The following COMMD1 variants were observed in gnomAD, a reference collection of about 807,000 sequenced individuals.
COMMD1 encodes the protein COMM domain-containing protein 1.
COMMD1 carries 10 observed loss-of-function variants against 17.2 expected under a neutral mutation model. The ratio of observed to expected loss-of-function variants is 0.58; its 90% CI spans 0.36 to 0.99. COMMD1 has a LOEUF of 0.99. Ranked by LOEUF, COMMD1 falls within the 50% of genes least tolerant of loss-of-function variation. The pLI, the probability that COMMD1 is intolerant of heterozygous loss-of-function variation, is 0.01. For missense variants in COMMD1, 270 were observed against 231.8 expected (o/e 1.17, Z -1.07); for synonymous variants, 97 against 91.6 (o/e 1.06, Z -0.34).
chr2:61,950,896 A>G (rs1263258525), intron 1 of COMMD1, among the ~76,000 whole-genome samples: 1 of 152,238 alleles, frequency 6.6e-6, no homozygotes, highest in African/African-American at 2.4e-5. Context: ...GAATTCTCCA[A>G]TTAATATTTT....
chr2:62,061,796 G>A (rs1216400964), intron 2 of COMMD1, among the ~76,000 whole-genome samples: 3 of 151,596 alleles, frequency 2.0e-5, no homozygotes, highest in East Asian at 3.9e-4. Context: ...TCCTGACCTC[G>A]TGATCCACCT....
intron 1 of COMMD1, among the ~76,000 whole-genome samples, chr2:61,929,501 A>G (rs1226610920): frequency 6.6e-6 from 1 of 152,170 alleles, no homozygotes; most frequent in Non-Finnish European, 1.5e-5. Flanking sequence ...GTTTATTACC[A>G]TTATATCATA....
intron 1 of COMMD1, among the ~76,000 whole-genome samples, chr2:61,897,731 A>G (rs1200219568): frequency 1.3e-5 from 2 of 152,128 alleles, no homozygotes; most frequent in African/African-American, 4.8e-5. Flanking sequence ...CCTGGGCAAC[A>G]AGAGCAAAAC....
At position 62,135,951 on chromosome 2, in the gene COMMD1, A is replaced by T; in HGVS notation, c.*10A>T. The T allele has an allele frequency of 7.1e-7, 1 of 1,414,252 alleles. No individual in the cohort carries two copies. The highest frequency in any genetic ancestry group is 1.0e-6 in the Non-Finnish European group (1 of 997,418). The allele number at this position is 1,414,252 out of a possible 1,614,324, so 87.6% of individuals were successfully genotyped here. The stretch of plus-strand genomic sequence containing the variant: ...CAGCCAGCCTAACTGAAGATGATGT[A>T]TGAAGGAGTTGGAGTTGTTGAAACC... On this transcript the variant is annotated 3_prime_UTR_variant, in exon 3 of 3. Coordinates refer to ENST00000311832, the MANE Select transcript of COMMD1 (RefSeq NM_152516.4).
intron 1 of COMMD1, among the ~76,000 whole-genome samples, chr2:61,909,803 G>C (rs891248157): frequency 3.3e-5 from 5 of 152,160 alleles, no homozygotes; most frequent in African/African-American, 1.2e-4. Flanking sequence ...TCCCAGCAGG[G>C]GATACAGCGG....
intron 2 of COMMD1, among the ~76,000 whole-genome samples, chr2:62,133,308 G>C (rs183850458): frequency 1.0e-3 from 158 of 152,258 alleles, no homozygotes; most frequent in Non-Finnish European, 1.2e-3. Context: ...TGTTCTTTTG[G>C]CTGATGGCAA....
intron 2 of COMMD1, among the ~76,000 whole-genome samples, chr2:62,014,810 C>T (rs544733134): frequency 4.8e-4 from 73 of 152,084 alleles, no homozygotes; most frequent in African/African-American, 1.7e-3. Flanking sequence ...CATGATCCAC[C>T]CCCCTCAGCC....
At chr2:61,958,469 A>G (rs1046672609) in intron 1 of COMMD1, among the ~76,000 whole-genome samples, 1 of 151,804 alleles carries the variant, frequency 6.6e-6, no homozygotes, top group Non-Finnish European at 1.5e-5. Flanking sequence ...GTTTCACCGT[A>G]TTGGCCAGGC....
chr2:61,893,459 A>T (rs1669481653), intron 1 of COMMD1, among the ~76,000 whole-genome samples: 1 of 152,012 alleles, frequency 6.6e-6, no homozygotes, highest in Admixed American at 6.5e-5. Context: ...ATGTGTGAGT[A>T]AACAGCCAGG....
At chr2:62,022,448 CTTTTT>C (rs747830662) in intron 2 of COMMD1, among the ~76,000 whole-genome samples, 1 of 84,950 alleles carries the variant, frequency 1.2e-5, no homozygotes. Context: ...ACCGGCGCTT[CTTTTT>C]TTTTTTTTTT....
At chr2:62,111,268 G>A (rs1182292277) in intron 2 of COMMD1, among the ~76,000 whole-genome samples, 1 of 152,120 alleles carries the variant, frequency 6.6e-6, no homozygotes, top group African/African-American at 2.4e-5. Context: ...CATCTGACAC[G>A]CCAACAAGGA....
chr2:61,892,759 C>T (rs1277884270), intron 1 of COMMD1, among the ~76,000 whole-genome samples: 5 of 151,252 alleles, frequency 3.3e-5, no homozygotes, highest in Non-Finnish European at 7.4e-5. Context: ...TTAGGTTTTA[C>T]TCCAATTCAA....
intron 2 of COMMD1, among the ~76,000 whole-genome samples, chr2:62,097,541 T>A (rs1252314335): frequency 1.3e-5 from 2 of 152,180 alleles, no homozygotes; most frequent in Admixed American, 6.5e-5. Flanking sequence ...TCTCCCAAGT[T>A]GAGAATCATT....
chr2:62,001,917 C>T (rs557098520), intron 2 of COMMD1, among the ~76,000 whole-genome samples: 5 of 152,192 alleles, frequency 3.3e-5, no homozygotes, highest in Admixed American at 3.3e-4. Flanking sequence ...CCTGTAACCC[C>T]AGCACTTTGG....
chr2:61,957,865 C>T (rs1671237454), intron 1 of COMMD1, among the ~76,000 whole-genome samples: 1 of 152,018 alleles, frequency 6.6e-6, no homozygotes, highest in African/African-American at 2.4e-5. Flanking sequence ...AAGCAGAGAA[C>T]TACTCATGGA....
At chr2:61,942,254 C>G (rs1166992094) in intron 1 of COMMD1, among the ~76,000 whole-genome samples, 7 of 151,656 alleles carry the variant, frequency 4.6e-5, no homozygotes, top group Admixed American at 4.6e-4. Context: ...CAGGCATGCG[C>G]CACCACGGCC....
At chr2:62,021,327 A>C (rs945349209) in intron 2 of COMMD1, among the ~76,000 whole-genome samples, 1 of 152,150 alleles carries the variant, frequency 6.6e-6, no homozygotes, top group African/African-American at 2.4e-5. Context: ...TGGAAATTTG[A>C]GTCTTTGTTA....
chr2:61,891,766 T>C lies in COMMD1; in HGVS notation n.119+2924T>C, dbSNP rs150145035. On this transcript the variant is annotated intron_variant and non_coding_transcript_variant, in intron 1 of 2. Coordinates refer to the COMMD1 transcript ENST00000472729. ...AACATAAACACTTGTGTAGAGTACT[T>C]TAAGCAAAGCACTGTTGCTAATGAA... 1.7e-3 allele frequency among the ~76,000 whole-genome samples: 257 copies of C among 151,688 alleles called. 1 individual carries two copies. The highest frequency in any genetic ancestry group is 5.8e-3 in the African/African-American group (242 of 41,374).
At chr2:61,960,104 T>C (rs1558537564) in intron 1 of COMMD1, among the ~76,000 whole-genome samples, 2 of 146,894 alleles carry the variant, frequency 1.4e-5, no homozygotes, top group South Asian at 2.1e-4. Flanking sequence ...GACAGCTGAT[T>C]TGGAATATAT....
Sources: gnomAD v4.1 joint callset for allele counts (sites outside exome capture counted in the v4.1 genomes callset) on GRCh38, gnomAD v4.1.1 for gene constraint, MANE v1.5 for transcripts, NCBI Gene and HGNC (gene_info 2026-07-23, HGNC 2026-07-21) for gene names.